RAD51B: variants seen among roughly 807,000 people sequenced by gnomAD.
RAD51B encodes the protein RAD51 paralog B, also known as DNA repair protein RAD51 homolog 2.
RAD51B carries 38 observed loss-of-function variants against 42.2 expected under a neutral mutation model. That is an observed-to-expected ratio of 0.90 (90% CI 0.70 to 1.18). The LOEUF is 1.18. RAD51B is among the 50% of genes most tolerant of loss of function. The probability of loss-of-function intolerance (pLI) is 0.00; values close to 1 mark genes in which losing one functional copy is unlikely to be tolerated. For synonymous variants in RAD51B, 154 were observed against 145.2 expected, an observed-to-expected ratio of 1.06 and a Z score of -0.43; for missense variants, 373 against 400.7, an observed-to-expected ratio of 0.93 and a Z score of 0.59.
chr14:68,640,720 A>G (rs1046520945), intron 10 of RAD51B, among the ~76,000 whole-genome samples: 5 of 152,240 alleles, frequency 3.3e-5, no homozygotes, highest in African/African-American at 1.2e-4. Flanking sequence ...GATGGGCTGA[A>G]GTATTCCACA....
At chr14:68,482,926 T>C (rs1042350242), downstream of RAD51B, among the ~76,000 whole-genome samples, 1 of 152,176 alleles carries the variant, frequency 6.6e-6, no homozygotes, top group Non-Finnish European at 1.5e-5. Context: ...GCAAAATCCA[T>C]GCATGTCTGA....
intron 7 of RAD51B, among the ~76,000 whole-genome samples, chr14:68,087,960 TA>T (rs2077020896): frequency 1.7e-5 from 2 of 115,032 alleles, no homozygotes; most frequent in African/African-American, 8.6e-5. Context: ...TATAATTATA[TA>T]ATTTATTATT....
At chr14:68,089,069 A>T (rs2077047197) in intron 7 of RAD51B, among the ~76,000 whole-genome samples, 1 of 152,134 alleles carries the variant, frequency 6.6e-6, no homozygotes, top group Non-Finnish European at 1.5e-5. Flanking sequence ...ATATAAAGCC[A>T]TCATTATTTT....
intron 10 of RAD51B, among the ~76,000 whole-genome samples, chr14:68,578,934 G>A (rs769657023): frequency 2.0e-5 from 3 of 152,172 alleles, no homozygotes; most frequent in Non-Finnish European, 2.9e-5. Flanking sequence ...CTAGCTCACT[G>A]TGTGGACCTG....
At chr14:68,293,212 G>T (rs2139665511) in intron 8 of RAD51B, among the ~76,000 whole-genome samples, 1 of 152,104 alleles carries the variant, frequency 6.6e-6, no homozygotes, top group East Asian at 1.9e-4. Context: ...AGAAATCTTA[G>T]AATAGTTTTT....
chr14:68,430,008 C>CTATTTAATAGGAAATAGGAAA (rs1206702006), intron 9 of RAD51B, among the ~76,000 whole-genome samples: 49 of 152,132 alleles, frequency 3.2e-4, no homozygotes, highest in Admixed American at 1.2e-3. Flanking sequence ...ATAGGGAATC[C>CTATTTAATAGGAAATAGGAAA]TTTCCCCATT....
intron 7 of RAD51B, among the ~76,000 whole-genome samples, chr14:68,145,191 C>T (rs1209672710): frequency 6.6e-6 from 1 of 152,200 alleles, no homozygotes; most frequent in Non-Finnish European, 1.5e-5. Flanking sequence ...CACAGCCAGG[C>T]TGACAAGTCT....
At chr14:68,632,991 T>TTTTTTTTTTG in intron 10 of RAD51B, among the ~76,000 whole-genome samples, 1 of 116,252 alleles carries the variant, frequency 8.6e-6, no homozygotes, top group East Asian at 2.5e-4. Flanking sequence ...TTTTTTTTTT[T>TTTTTTTTTTG]TTTTTTTTGG....
chr14:67,829,282 G>A (rs529266616), intron 3 of RAD51B, among the ~76,000 whole-genome samples: 216 of 149,468 alleles, frequency 1.4e-3, no homozygotes, highest in Non-Finnish European at 2.3e-3. Flanking sequence ...TTGCTCTGTC[G>A]CCGAGGCTGG....
chr14:68,397,402 C>A (rs2083955848), intron 8 of RAD51B, among the ~76,000 whole-genome samples: 1 of 152,210 alleles, frequency 6.6e-6, no homozygotes, highest in Admixed American at 6.5e-5. Context: ...TCATGAGCTC[C>A]CTCTCCCGCC....
chr14:68,648,567 T>G (rs1301054687), intron 10 of RAD51B, among the ~76,000 whole-genome samples: 1 of 151,670 alleles, frequency 6.6e-6, no homozygotes, highest in Non-Finnish European at 1.5e-5. Flanking sequence ...GTGCAACATC[T>G]GCACACTCAT....
At chr14:68,389,784 C>T (rs1221170348) in intron 8 of RAD51B, among the ~76,000 whole-genome samples, 3 of 152,100 alleles carry the variant, frequency 2.0e-5, no homozygotes, top group Non-Finnish European at 2.9e-5. Flanking sequence ...AGATTTGATC[C>T]GTCTCAGTCA....
intron 8 of RAD51B, among the ~76,000 whole-genome samples, chr14:68,343,949 A>G (rs1291725926): frequency 6.6e-6 from 1 of 152,268 alleles, no homozygotes; most frequent in Non-Finnish European, 1.5e-5. Context: ...ACAGAGTGCA[A>G]AAGTGAAGGA....
intron 7 of RAD51B, among the ~76,000 whole-genome samples, chr14:68,167,467 T>C (rs1342946595): frequency 6.6e-6 from 1 of 152,196 alleles, no homozygotes; most frequent in African/African-American, 2.4e-5. Flanking sequence ...CTTTATTGTA[T>C]GAGAGATTAT....
chr14:68,530,468 A>AAAAAAAAAAAAAAAAAG (rs1566928019), intron 10 of RAD51B, among the ~76,000 whole-genome samples: 1 of 145,466 alleles, frequency 6.9e-6, no homozygotes, highest in Non-Finnish European at 1.5e-5. Flanking sequence ...AAAAAAAAAA[A>AAAAAAAAAAAAAAAAAG]AGAGATAAAG....
At chr14:68,206,346 A>T (rs2079584520) in intron 7 of RAD51B, among the ~76,000 whole-genome samples, 1 of 152,286 alleles carries the variant, frequency 6.6e-6, no homozygotes, top group South Asian at 2.1e-4. Flanking sequence ...GCACTGAGTA[A>T]TCAGTGGGAA....
At chr14:68,530,138 A>G (rs931021859) in intron 10 of RAD51B, among the ~76,000 whole-genome samples, 1 of 137,464 alleles carries the variant, frequency 7.3e-6, no homozygotes, top group Non-Finnish European at 1.6e-5. Flanking sequence ...CCTCAAGGAT[A>G]AAAATGATAG....
chr14:67,885,508 TATTTC>T (rs776678865), intron 5 of RAD51B, among the ~76,000 whole-genome samples: 11 of 152,242 alleles, frequency 7.2e-5, no homozygotes, highest in Non-Finnish European at 1.0e-4. Context: ...CAAATATACT[TATTTC>T]ATTCAAGAAA....
chr14:68,626,725 G>C (rs75493035), intron 10 of RAD51B, among the ~76,000 whole-genome samples: 2,460 of 152,324 alleles, frequency 0.016, 32 homozygotes, highest in Non-Finnish European at 0.026. Flanking sequence ...ATATTGCAAA[G>C]CTTCTTACAA....
Sources: gnomAD v4.1 joint callset for allele counts (sites outside exome capture counted in the v4.1 genomes callset) on GRCh38, gnomAD v4.1.1 for gene constraint, MANE v1.5 for transcripts, NCBI Gene and HGNC (gene_info 2026-07-23, HGNC 2026-07-21) for gene names.